The following TANC2 variants were observed in gnomAD, a reference collection of about 807,000 sequenced individuals.
The protein encoded by TANC2 is tetratricopeptide repeat, ankyrin repeat and coiled-coil containing 2.
A neutral mutation model predicts 210.5 loss-of-function variants in TANC2; 26 were observed. The ratio of observed to expected loss-of-function variants is 0.12; its 90% CI spans 0.09 to 0.17. TANC2 has a LOEUF of 0.17. TANC2 is among the 10% of genes least tolerant of loss of function. The probability of loss-of-function intolerance (pLI) is 1.00; values close to 1 mark genes in which losing one functional copy is unlikely to be tolerated. For missense variants in TANC2, 2,129 were observed against 2,608.9 expected, an observed-to-expected ratio of 0.82 and a Z score of 4.01; for synonymous variants, 931 against 967.1, an observed-to-expected ratio of 0.96 and a Z score of 0.69.
At chr17:63,193,602 T>C (rs1304669355) in intron 5 of TANC2, among the ~76,000 whole-genome samples, 1 of 152,202 alleles carries the variant, frequency 6.6e-6, no homozygotes, top group Non-Finnish European at 1.5e-5. Context: ...CATAAAAAGA[T>C]TTTTGTAAAG....
intron 8 of TANC2, among the ~76,000 whole-genome samples, chr17:63,265,026 A>C (rs991618645): frequency 5.9e-5 from 9 of 152,140 alleles, no homozygotes; most frequent in Non-Finnish European, 7.4e-5. Flanking sequence ...CCATACTCTA[A>C]ATGTCATGAT....
chr17:63,345,108 T>G (rs1014083138), intron 12 of TANC2, among the ~76,000 whole-genome samples: 1 of 152,186 alleles, frequency 6.6e-6, no homozygotes, highest in Non-Finnish European at 1.5e-5. Context: ...AACCCCTTGC[T>G]ATTCAATATA....
At chr17:63,307,031 A>G (rs2044935712) in intron 9 of TANC2, among the ~76,000 whole-genome samples, 1 of 152,192 alleles carries the variant, frequency 6.6e-6, no homozygotes, top group South Asian at 2.1e-4. Flanking sequence ...ATTTACGCTG[A>G]AACAAGAAAC....
At chr17:63,404,655 T>A (rs1191883940) in intron 19 of TANC2, among the ~76,000 whole-genome samples, 1 of 152,278 alleles carries the variant, frequency 6.6e-6, no homozygotes, top group East Asian at 1.9e-4. Context: ...ACTTTGGTTC[T>A]CTAGGCTTAA....
Position 63,237,761 on chromosome 17 carries a change from A to C in TANC2, c.770-53A>C, listed in dbSNP as rs2042661109. ...GTTTTTATCAACTTTGTCAAAGATT[A>C]ATAACTGTATGTATGTGGCTTTATT... On this transcript the variant is annotated intron_variant, in intron 7 of 27. Transcript: ENST00000689528. The C allele has an allele frequency of 2.7e-6, 4 of 1,459,274 alleles. No individual in the cohort carries two copies. The Admixed American group carries it at 1.1e-4, about 39-fold the overall frequency. The allele number at this position is 1,459,274 out of a possible 1,614,324, so 90.4% of individuals were successfully genotyped here. A position where few individuals can be genotyped will look rare whatever the true frequency, so the allele number is the denominator to read the frequency against.
At chr17:63,210,015 A>G (rs146397292) in intron 7 of TANC2, among the ~76,000 whole-genome samples, 1 of 152,212 alleles carries the variant, frequency 6.6e-6, no homozygotes, top group African/African-American at 2.4e-5. Flanking sequence ...TTTTAAATAA[A>G]TCAACTTATT....
chr17:63,159,183 A>G (rs1465637432), intron 5 of TANC2, among the ~76,000 whole-genome samples: 2 of 152,178 alleles, frequency 1.3e-5, no homozygotes, highest in Non-Finnish European at 2.9e-5. Context: ...CTCACACTCA[A>G]GACACTCAAG....
intron 2 of TANC2, among the ~76,000 whole-genome samples, chr17:63,021,310 A>G (rs997370528): frequency 2.0e-5 from 3 of 152,188 alleles, no homozygotes; most frequent in Non-Finnish European, 1.5e-5. Context: ...AGTCATGTTG[A>G]GGCATGGTCC....
chr17:63,090,386 C>T (rs193227786), intron 3 of TANC2, among the ~76,000 whole-genome samples: 2,709 of 152,122 alleles, frequency 0.018, 39 homozygotes, highest in Non-Finnish European at 0.028. Context: ...CAACAGGCCC[C>T]GGTGTGTGAT....
chr17:63,277,597 G>A (rs1233134274), intron 9 of TANC2, among the ~76,000 whole-genome samples: 2 of 150,772 alleles, frequency 1.3e-5, no homozygotes, highest in African/African-American at 2.4e-5. Flanking sequence ...CAGTTTTGAA[G>A]AAAACAAGTT....
chr17:63,211,150 G>A (rs943862283), intron 7 of TANC2, among the ~76,000 whole-genome samples: 1 of 152,082 alleles, frequency 6.6e-6, no homozygotes, highest in Non-Finnish European at 1.5e-5. Flanking sequence ...AGCAACCAAA[G>A]TAAATTAATT....
intron 8 of TANC2, among the ~76,000 whole-genome samples, chr17:63,254,511 G>A (rs571742813): frequency 6.6e-6 from 1 of 152,252 alleles, no homozygotes; most frequent in Admixed American, 6.5e-5. Flanking sequence ...CCAGAACTAT[G>A]TTGAATAACA....
chr17:63,156,507 A>T (rs1421520292), intron 5 of TANC2, among the ~76,000 whole-genome samples: 2 of 152,162 alleles, frequency 1.3e-5, no homozygotes, highest in Non-Finnish European at 2.9e-5. Context: ...AGGAGAATGA[A>T]AAAGGAAATA....
At chr17:63,402,494 C>G (rs1385604839) in intron 19 of TANC2, among the ~76,000 whole-genome samples, 1 of 152,288 alleles carries the variant, frequency 6.6e-6, no homozygotes, top group East Asian at 1.9e-4. Flanking sequence ...CCCTCCTACC[C>G]GACCCCTTGA....
At chr17:63,338,076 A>T (rs965000199) in intron 11 of TANC2, among the ~76,000 whole-genome samples, 5 of 152,210 alleles carry the variant, frequency 3.3e-5, no homozygotes, top group African/African-American at 9.7e-5. Flanking sequence ...GCTGCAGTGA[A>T]CATACGTGTG....
chr17:63,110,475 T>G (rs1157063341), intron 4 of TANC2, among the ~76,000 whole-genome samples: 2 of 151,880 alleles, frequency 1.3e-5, no homozygotes, highest in Admixed American at 1.3e-4. Flanking sequence ...AACAGAAATC[T>G]ATTTTCTCAC....
At chr17:62,988,295 C>CCTTT (rs1298402282) in intron 1 of TANC2, among the ~76,000 whole-genome samples, 35 of 111,732 alleles carry the variant, frequency 3.1e-4, no homozygotes, top group South Asian at 1.2e-3. Flanking sequence ...ACCTGGCTAA[C>CCTTT]TTTTTTTTTT....
In TANC2 at chr17:63,345,476, G is replaced by A. The variant is rs560554658; in HGVS notation, c.1807+5144G>A. Among the ~76,000 whole-genome samples the A allele has an allele frequency of 1.4e-4, 22 of 152,078 alleles. No homozygotes were observed. The East Asian group carries it at 3.9e-3, about 27-fold the overall frequency. ...CTCTACTAAAAATACAAAGTTAGCC[G>A]GGCGTGGTGGCACATGCCTGTAATC... is the stretch of plus-strand genomic sequence containing the variant. On this transcript the variant is annotated intron_variant, in intron 12 of 27. Transcript: ENST00000689528.
intron 21 of TANC2, among the ~76,000 whole-genome samples, chr17:63,407,525 C>G (rs1175449686): frequency 6.6e-6 from 1 of 152,176 alleles, no homozygotes; most frequent in Non-Finnish European, 1.5e-5. Context: ...ATTTGTTCTC[C>G]CTTACCAGTG....
Sources: allele counts gnomAD v4.1 joint callset (sites outside exome capture counted in the v4.1 genomes callset), GRCh38; gene constraint gnomAD v4.1.1; transcripts MANE v1.5; gene names NCBI Gene and HGNC (gene_info 2026-07-23, HGNC 2026-07-21).